The following NUAK1 variants were observed in gnomAD, a reference collection of about 807,000 sequenced individuals.
The protein encoded by NUAK1 is NUAK family kinase 1, also known as NUAK family SNF1-like kinase 1.
In NUAK1, 26 loss-of-function variants were observed where a neutral mutation model predicts 56.9. The ratio of observed to expected loss-of-function variants is 0.46; its 90% confidence interval spans 0.33 to 0.63. The LOEUF (loss-of-function observed/expected upper bound fraction) is 0.63. NUAK1 is among the 30% of genes least tolerant of loss of function. The pLI is 0.02. For synonymous variants in NUAK1, 337 were observed against 336.0 expected (o/e 1.00, Z -0.03); for missense variants, 727 against 876.1 (o/e 0.83, Z 2.15).
rs566920705 is a variant in NUAK1, at chr12:106,120,969, T to C, written c.241-14444A>G. ...GCCCTAGCAGTGCATTACAGTGACC[T>C]ACGGGTCTGTTTAAAAATACTGATA... On this transcript the variant is annotated intron_variant, in intron 1 of 6. Transcript: ENST00000261402. Among the ~76,000 whole-genome samples the C allele has an allele frequency of 5.9e-5, 9 of 152,318 alleles. No homozygotes were observed. The South Asian group carries it at 1.7e-3, about 28-fold the overall frequency.
chr12:106,101,763 C>T (rs2032751057), intron 2 of NUAK1, among the ~76,000 whole-genome samples: 1 of 152,310 alleles, frequency 6.6e-6, no homozygotes, highest in East Asian at 1.9e-4. Context: ...GAATCCCTGG[C>T]CTGCCCACCT....
chr12:106,072,818 A>C lies in NUAK1; in HGVS notation c.605T>G (p.Leu202Arg), dbSNP rs1295696054. 6.2e-7 allele frequency: 1 copy of C among 1,614,058 alleles called. No homozygotes were observed. Among genetic ancestry groups the C allele is most frequent in the Non-Finnish European group, 8.5e-7 (1 of 1,179,936 alleles). The change falls in exon 5 of 7, where the codon CTG (leucine) becomes CGG (arginine). Residue 202 changes from leucine (L) to arginine (R), a missense_variant. Coordinates refer to ENST00000261402, the MANE Select transcript of NUAK1 (RefSeq NM_014840.3). ...IKIADFGLSN[L>R]YQKDKFLQTF... is the part of the protein sequence containing the mutation. ...TTGTAAGAACTTATCCTTCTGGTAC[A>C]GGTTGGAAAGCCCAAAGTCAGCAAT...
chr12:106,123,751 C>T (rs1345280865), intron 1 of NUAK1, among the ~76,000 whole-genome samples: 1 of 152,174 alleles, frequency 6.6e-6, no homozygotes, highest in African/African-American at 2.4e-5. Context: ...GAGACTGCAG[C>T]TCAGGATCAC....
chr12:106,095,248 C>A (rs1363021848), intron 2 of NUAK1, among the ~76,000 whole-genome samples: 1 of 152,238 alleles, frequency 6.6e-6, no homozygotes, highest in Non-Finnish European at 1.5e-5. Context: ...CAACTACCCC[C>A]AGAAAGAAGC....
chr12:106,064,787 A>ACCCCCCCCCCC lies in NUAK1; in HGVS notation c.*2014_*2015insGGGGGGGGGGG, dbSNP rs201301314. 1 of 107,956 alleles carries ACCCCCCCCCCC rather than the reference A, an allele frequency of 9.3e-6. No homozygotes were observed. Among genetic ancestry groups the ACCCCCCCCCCC allele is most frequent in the Non-Finnish European group, 2.1e-5 (1 of 47,708 alleles). 6.7% of individuals were successfully genotyped at this position (107,956 alleles called of 1,614,324 possible). A position where few individuals can be genotyped will look rare whatever the true frequency, so the allele number is the denominator to read the frequency against. ...TGCAGGTTGTCCTCCATGCACCCAC[A>ACCCCCCCCCCC]CCCCCACCCCCCCCCACACACACAA... On this transcript the variant is annotated 3_prime_UTR_variant, in exon 7 of 7. Coordinates refer to ENST00000261402, the MANE Select transcript of NUAK1 (RefSeq NM_014840.3).
At chr12:106,075,318 C>CACACACACACAGAG (rs142856878) in intron 4 of NUAK1, among the ~76,000 whole-genome samples, 1 of 146,856 alleles carries the variant, frequency 6.8e-6, no homozygotes, top group African/African-American at 2.5e-5. Context: ...CACACACACA[C>CACACACACACAGAG]AGAGAGAGAG....
chr12:106,075,204 T>C (rs1448867446), intron 4 of NUAK1, among the ~76,000 whole-genome samples: 7 of 151,860 alleles, frequency 4.6e-5, no homozygotes, highest in Non-Finnish European at 8.8e-5. Flanking sequence ...CCAGTAAAAC[T>C]GTCATTGCCA....
intron 4 of NUAK1, among the ~76,000 whole-genome samples, chr12:106,075,003 G>T (rs752592719): frequency 6.6e-6 from 1 of 152,174 alleles, no homozygotes; most frequent in Non-Finnish European, 1.5e-5. Context: ...CCGCCTGGCA[G>T]TGCCTGGGGC....
In NUAK1 at chr12:106,084,163, A is replaced by G; in HGVS notation, c.514-234T>C. 5.5e-6 allele frequency: 3 copies of G among 544,232 alleles called. No homozygotes were observed. In the African/African-American group the frequency reaches 5.6e-5, roughly 10 times the overall value. The allele number at this position is 544,232 out of a possible 1,614,324, so 33.7% of individuals were successfully genotyped here. ...TCACTTGCTGTGTGGTTAAGGGAAA[A>G]ATGACTGGAATCTGTTCTCCCCCAG... is the stretch of plus-strand genomic sequence containing the variant. On this transcript the variant is annotated intron_variant, in intron 3 of 6. Coordinates refer to ENST00000261402, the MANE Select transcript of NUAK1 (RefSeq NM_014840.3).
intron 2 of NUAK1, among the ~76,000 whole-genome samples, chr12:106,100,150 G>A (rs2032733407): frequency 1.3e-5 from 2 of 151,050 alleles, no homozygotes; most frequent in African/African-American, 2.4e-5. Flanking sequence ...GATTACAGGT[G>A]TGAGCCACCA....
intron 1 of NUAK1, among the ~76,000 whole-genome samples, chr12:106,121,614 G>A (rs1260852357): frequency 6.6e-6 from 1 of 152,210 alleles, no homozygotes; most frequent in Non-Finnish European, 1.5e-5. Context: ...GCTGGGCATG[G>A]TGGCGGGTGC....
intron 4 of NUAK1, among the ~76,000 whole-genome samples, chr12:106,081,147 T>C (rs1479311257): frequency 6.6e-6 from 1 of 152,176 alleles, no homozygotes; most frequent in African/African-American, 2.4e-5. Flanking sequence ...AATCAAACCA[T>C]TTTGAAGTAC....
chr12:106,101,110 G>A (rs1357549944), intron 2 of NUAK1, among the ~76,000 whole-genome samples: 2 of 152,180 alleles, frequency 1.3e-5, no homozygotes, highest in Non-Finnish European at 2.9e-5. Flanking sequence ...TCACAGACTG[G>A]GGTCCCACCA....
chr12:106,111,068 C>T (rs146380636), intron 1 of NUAK1, among the ~76,000 whole-genome samples: 157 of 152,156 alleles, frequency 1.0e-3, no homozygotes, highest in African/African-American at 3.0e-3. Flanking sequence ...AGACTGTCAC[C>T]GGCTGGGTGA....
intron 6 of NUAK1, among the ~76,000 whole-genome samples, chr12:106,069,253 C>T (rs189459342): frequency 6.6e-6 from 1 of 152,202 alleles, no homozygotes; most frequent in Admixed American, 6.5e-5. Flanking sequence ...TTTGAGTCAC[C>T]CCAACACACA....
At chr12:106,113,244 G>A (rs918000769) in intron 1 of NUAK1, among the ~76,000 whole-genome samples, 1 of 152,150 alleles carries the variant, frequency 6.6e-6, no homozygotes, top group African/African-American at 2.4e-5. Context: ...CCCTGTTGAG[G>A]TTTGTAAACA....
In NUAK1 at chr12:106,063,615, A is replaced by T. The variant is rs577897332; in HGVS notation, c.*3187T>A. 2 of 152,678 alleles carry T rather than the reference A, an allele frequency of 1.3e-5. No individual in the cohort carries two copies. The highest frequency in any genetic ancestry group is 4.1e-4 in the South Asian group (2 of 4,820). 9.5% of individuals were successfully genotyped at this position (152,678 alleles called of 1,614,324 possible). ...TCAGACCAATAAATAAAAAAGACAA[A>T]TTCAAATAAAAAAGTCAACTTTTTA... On this transcript the variant is annotated 3_prime_UTR_variant, in exon 7 of 7. Transcript: ENST00000261402.
chr12:106,097,065 A>G (rs1209404116), intron 2 of NUAK1, among the ~76,000 whole-genome samples: 1 of 152,210 alleles, frequency 6.6e-6, no homozygotes, highest in Non-Finnish European at 1.5e-5. Context: ...GGAATAATCA[A>G]TTCCATTTCT....
chr12:106,067,259 G>C lies in NUAK1; in HGVS notation c.1529C>G (p.Ala510Gly), dbSNP rs1592846484. 6.2e-7 allele frequency: 1 copy of C among 1,614,046 alleles called. No homozygotes were observed. Among genetic ancestry groups the C allele is most frequent in the Non-Finnish European group, 8.5e-7 (1 of 1,179,992 alleles). ...SIPSPSPPDPARVTSHSLSCR... is the reference protein window; with the variant it reads ...SIPSPSPPDPGRVTSHSLSCR... The stretch of plus-strand genomic sequence containing the variant: ...GGAGAGGCTGTGGGAGGTTACCCTG[G>C]CTGGGTCCGGGGGGCTGGGGGAGGG... Residue 510 changes from alanine (A) to glycine (G), a missense_variant, in exon 7 of 7, where the codon GCC (alanine) becomes GGC (glycine). Coordinates refer to ENST00000261402, the MANE Select transcript of NUAK1 (RefSeq NM_014840.3). This position sits in a 1 kb window ranked among gnomAD's most constrained non-coding sequence, Gnocchi z 6.0.
Sources: allele counts gnomAD v4.1 joint callset (sites outside exome capture counted in the v4.1 genomes callset), GRCh38; gene constraint gnomAD v4.1.1; non-coding constraint Gnocchi (gnomAD v3.1); transcripts MANE v1.5; gene names NCBI Gene and HGNC (gene_info 2026-07-23, HGNC 2026-07-21).